Variants in RERE observed in about 807,000 individuals in gnomAD.
The protein encoded by RERE is arginine-glutamic acid dipeptide repeats protein.
Under a neutral mutation model 146.1 loss-of-function variants are expected in RERE, and 40 were observed. That is an observed-to-expected ratio of 0.27 (90% CI 0.21 to 0.36). The LOEUF is 0.36. Ranked by LOEUF, RERE falls within the 10% of genes least tolerant of loss-of-function variation. RERE has a pLI of 1.00. For synonymous variants in RERE, 1,003 were observed against 866.0 expected (o/e 1.16, Z -2.78); for missense variants, 1,933 against 2,138.7 (o/e 0.90, Z 1.90).
chr1:8,513,396 T>C (rs1016130030), intron 7 of RERE, among the ~76,000 whole-genome samples: 3 of 152,224 alleles, frequency 2.0e-5, no homozygotes, highest in African/African-American at 7.2e-5. Context: ...CTATCTACTT[T>C]TGAATTCAAT....
chr1:8,623,580 A>G (rs1470010378), intron 3 of RERE, among the ~76,000 whole-genome samples: 2 of 152,208 alleles, frequency 1.3e-5, no homozygotes, highest in Non-Finnish European at 1.5e-5. Context: ...AGATCAATTT[A>G]TTTACATCAA....
rs182181369 is a variant in RERE at position 8,387,036 on chromosome 1, G to C, written c.1285-21062C>G. Among the ~76,000 whole-genome samples the C allele has an allele frequency of 4.4e-3, 672 of 152,276 alleles. 25 individuals carry two copies. Among genetic ancestry groups the C allele is most frequent in the Admixed American group, 0.042 (645 of 15,292 alleles). ...AGAAGAATAAAGTGCCACTAATCAA[G>C]ACACTCTTGAAAAACAAGAAAAAGG... On this transcript the variant is annotated intron_variant, in intron 12 of 22. Coordinates refer to ENST00000400908, the MANE Select transcript of RERE (RefSeq NM_001042681.2).
At chr1:8,545,685 C>CTTT (rs1165619190) in intron 6 of RERE, among the ~76,000 whole-genome samples, 2 of 135,414 alleles carry the variant, frequency 1.5e-5, no homozygotes, top group Admixed American at 7.6e-5. Flanking sequence ...ATAAAAAATT[C>CTTT]TTTTTTTTTT....
chr1:8,433,260 G>C (rs967324466), intron 11 of RERE, among the ~76,000 whole-genome samples: 5 of 152,202 alleles, frequency 3.3e-5, no homozygotes, highest in Non-Finnish European at 7.3e-5. Context: ...CAATGGAACA[G>C]TCGTAAAGCA....
rs1641320568 is a variant in RERE, at chr1:8,356,974, A to G, written c.4340-728T>C. ...CCGATTTCCCACAGCTTGCCCTTTC[A>G]TCTCCTCCATGTTTCTGCTACCTCC... On this transcript the variant is annotated intron_variant, in intron 20 of 22. Coordinates refer to ENST00000400908, the MANE Select transcript of RERE (RefSeq NM_001042681.2). This position sits in a 1 kb window ranked among gnomAD's most constrained non-coding sequence, Gnocchi z 5.2. Among the ~76,000 whole-genome samples, 1 of 151,508 alleles carries G rather than the reference A, an allele frequency of 6.6e-6. No homozygotes were observed. Among genetic ancestry groups the G allele is most frequent in the Non-Finnish European group, 1.5e-5 (1 of 67,864 alleles).
intron 1 of RERE, among the ~76,000 whole-genome samples, chr1:8,680,237 A>T (rs1638933395): frequency 6.6e-6 from 1 of 152,226 alleles, no homozygotes; most frequent in Non-Finnish European, 1.5e-5. Context: ...AAAGAAAAAA[A>T]AATACATCTG....
chr1:8,699,222 G>A (rs770299367), intron 1 of RERE, among the ~76,000 whole-genome samples: 1 of 152,058 alleles, frequency 6.6e-6, no homozygotes, highest in African/African-American at 2.4e-5. Context: ...AAACCCTCTA[G>A]GTAGACTCAT....
At chr1:8,688,959 G>T (rs932698548) in intron 1 of RERE, among the ~76,000 whole-genome samples, 7 of 151,882 alleles carry the variant, frequency 4.6e-5, no homozygotes, top group African/African-American at 1.7e-4. Flanking sequence ...TTAAGTCAAG[G>T]AACAGCTATA....
At chr1:8,373,516 T>C (rs1024642927) in intron 12 of RERE, among the ~76,000 whole-genome samples, 2 of 152,110 alleles carry the variant, frequency 1.3e-5, no homozygotes, top group African/African-American at 4.8e-5. Flanking sequence ...TCAAATTATG[T>C]AGGGCAGAGA....
At chr1:8,777,814 C>T (rs1274785165) in intron 1 of RERE, among the ~76,000 whole-genome samples, 2 of 151,046 alleles carry the variant, frequency 1.3e-5, no homozygotes, top group African/African-American at 4.9e-5. Flanking sequence ...GGATTACAGG[C>T]ATGAGCCACC....
Position 8,355,035 on chromosome 1 carries a change from T to C in RERE, c.*52A>G. 1.3e-6 allele frequency: 2 copies of C among 1,500,958 alleles called. No individual in the cohort carries two copies. Among genetic ancestry groups the C allele is most frequent in the Non-Finnish European group, 1.8e-6 (2 of 1,082,860 alleles). 93.0% of individuals were successfully genotyped at this position (1,500,958 alleles called of 1,614,324 possible). A position where few individuals can be genotyped will look rare whatever the true frequency, so the allele number is the denominator to read the frequency against. On this transcript the variant is annotated 3_prime_UTR_variant, in exon 23 of 23. Transcript: ENST00000400908. ...TCCTATTTTATGTAAAAAGTCCTGTTTCTCCCCCCAAGAACTGGGGTTTCC... is the reference window on the plus strand; with the variant it reads ...TCCTATTTTATGTAAAAAGTCCTGTCTCTCCCCCCAAGAACTGGGGTTTCC...
intron 12 of RERE, among the ~76,000 whole-genome samples, chr1:8,369,508 TA>T (rs1186718390): frequency 0.43 from 32,727 of 75,348 alleles, 6,011 homozygotes; most frequent in East Asian, 0.67. Flanking sequence ...CGCCTTTTAC[TA>T]AAAAAAAAAA....
chr1:8,375,938 T>C, intron 12 of RERE, among the ~76,000 whole-genome samples: 1 of 152,382 alleles, frequency 6.6e-6, no homozygotes, highest in East Asian at 1.9e-4. Flanking sequence ...CTTTTACATA[T>C]ACTTTATCTT....
At position 8,559,052 on chromosome 1, in the gene RERE, G is replaced by A. The variant is rs374738665; in HGVS notation, c.523-1529C>T. 6.7e-5 allele frequency among the ~76,000 whole-genome samples: 10 copies of A among 150,170 alleles called. No homozygotes were observed. The East Asian group carries it at 7.8e-4, about 12-fold the overall frequency. On this transcript the variant is annotated intron_variant, in intron 4 of 22. Transcript: ENST00000400908. The stretch of plus-strand genomic sequence containing the variant: ...CTCAGGTGATCCATCCACCCACCTC[G>A]GCCTCCCAATCTGCTGGGATTTCAA...
chr1:8,395,289 T>C (rs1171280951), intron 12 of RERE, among the ~76,000 whole-genome samples: 1 of 151,796 alleles, frequency 6.6e-6, no homozygotes, highest in Non-Finnish European at 1.5e-5. Flanking sequence ...GCCTCGCCAA[T>C]ATGGTGAAAC....
intron 1 of RERE, among the ~76,000 whole-genome samples, chr1:8,705,880 G>A (rs367606240): frequency 2.6e-5 from 4 of 152,270 alleles, no homozygotes; most frequent in Admixed American, 1.3e-4. Context: ...ACTTTGGGAG[G>A]CCGAGGTGGG....
chr1:8,746,846 G>A (rs1030515170), intron 1 of RERE, among the ~76,000 whole-genome samples: 1 of 148,296 alleles, frequency 6.7e-6, no homozygotes, highest in African/African-American at 2.5e-5. Flanking sequence ...GGGGAGGGAG[G>A]GGAGAGAGAA....
chr1:8,467,328 G>A (rs1644613032), intron 10 of RERE, among the ~76,000 whole-genome samples: 1 of 152,156 alleles, frequency 6.6e-6, no homozygotes. Context: ...TTACAAATTG[G>A]TACAGATACA....
rs191909158 is a variant in RERE, at chr1:8,630,371, T to C, written c.326-5991A>G. 2.0e-5 allele frequency among the ~76,000 whole-genome samples: 3 copies of C among 151,104 alleles called. No individual in the cohort carries two copies. The East Asian group carries it at 5.8e-4, about 29-fold the overall frequency. ...TCATAGTAAACACTCAAAAATTATA[T>C]GAGGAACAAACAAACTAAACAGAGA... On this transcript the variant is annotated intron_variant, in intron 2 of 22. Coordinates refer to ENST00000400908, the MANE Select transcript of RERE (RefSeq NM_001042681.2).
Sources: gnomAD v4.1 joint callset for allele counts (sites outside exome capture counted in the v4.1 genomes callset) on GRCh38, gnomAD v4.1.1 for gene constraint, Gnocchi (gnomAD v3.1) non-coding constraint, MANE v1.5 for transcripts, NCBI Gene and HGNC (gene_info 2026-07-23, HGNC 2026-07-21) for gene names.